The following AGMO variants were observed in gnomAD, a reference collection of about 807,000 sequenced individuals.
AGMO encodes the protein glyceryl-ether monooxygenase.
Under a neutral mutation model 60.2 loss-of-function variants are expected in AGMO, and 75 were observed. That is an observed-to-expected ratio of 1.25 (90% CI 1.03 to 1.51). AGMO has a LOEUF of 1.51. AGMO is among the 40% of genes most tolerant of loss of function. AGMO has a pLI of 0.00. For missense variants in AGMO, 763 were observed against 525.5 expected (o/e 1.45, Z -4.42); for synonymous variants, 261 against 177.1 (o/e 1.47, Z -3.76).
At chr7:15,220,082 C>T (rs575107801) in intron 12 of AGMO, among the ~76,000 whole-genome samples, 14 of 151,628 alleles carry the variant, frequency 9.2e-5, no homozygotes, top group Non-Finnish European at 1.6e-4. Flanking sequence ...GATGTCCATT[C>T]TTTTATACAA....
In AGMO at chr7:15,386,977, G is replaced by C. The variant is rs181712587; in HGVS notation, c.957+429C>G. Among the ~76,000 whole-genome samples, 263 of 152,256 alleles carry C rather than the reference G, an allele frequency of 1.7e-3. 1 individual carries two copies. Among genetic ancestry groups the C allele is most frequent in the Middle Eastern group, 6.8e-3 (2 of 292 alleles). ...GACCCAAAATCCACACTGTCTTAAT[G>C]TGACTTTAGATACATCTGTTCTGGG... On this transcript the variant is annotated intron_variant, in intron 9 of 12. Transcript: ENST00000342526.
At chr7:15,514,264 G>A (rs1427800887) in intron 3 of AGMO, among the ~76,000 whole-genome samples, 1 of 152,116 alleles carries the variant, frequency 6.6e-6, no homozygotes. Flanking sequence ...TAAAGTTTCT[G>A]AGATTGACTA....
At chr7:15,143,629 AGTGAAAC>A in the AGMO span, among the ~76,000 whole-genome samples, 1 of 151,822 alleles carries the variant, frequency 6.6e-6, no homozygotes, top group African/African-American at 2.4e-5. Flanking sequence ...ATTTCCATTC[AGTGAAAC>A]AAGATGAGCA....
At chr7:15,327,401 A>G (rs550156520) in intron 12 of AGMO, among the ~76,000 whole-genome samples, 143 of 152,284 alleles carry the variant, frequency 9.4e-4, no homozygotes, top group African/African-American at 3.2e-3. Flanking sequence ...CGGATACAAA[A>G]AAGAAAAGCA....
chr7:15,424,246 A>G (rs1448280484), intron 4 of AGMO, among the ~76,000 whole-genome samples: 1 of 152,000 alleles, frequency 6.6e-6, no homozygotes. Context: ...CACCTTGAGA[A>G]CACAAGCTCA....
intron 12 of AGMO, among the ~76,000 whole-genome samples, chr7:15,221,510 T>G (rs1781921633): frequency 2.0e-5 from 3 of 152,142 alleles, no homozygotes; most frequent in Admixed American, 2.0e-4. Flanking sequence ...ACTATAGACG[T>G]AATCCCCTTT....
chr7:15,196,136 G>A (rs1014949855), downstream of AGMO, among the ~76,000 whole-genome samples: 1 of 150,916 alleles, frequency 6.6e-6, no homozygotes, highest in South Asian at 2.1e-4. Flanking sequence ...TCTGCCTCCC[G>A]GGTTCGAGCG....
intron 12 of AGMO, among the ~76,000 whole-genome samples, chr7:15,354,531 T>G (rs1205769079): frequency 1.9e-5 from 2 of 107,446 alleles, no homozygotes; most frequent in African/African-American, 6.7e-5. Context: ...TATATATATA[T>G]ATATATATAG....
chr7:15,218,502 T>G (rs1781815320), intron 12 of AGMO, among the ~76,000 whole-genome samples: 1 of 151,996 alleles, frequency 6.6e-6, no homozygotes. Context: ...AGAATGTGGT[T>G]GAAGGGAGTG....
chr7:15,218,203 G>T (rs1781803811), intron 12 of AGMO, among the ~76,000 whole-genome samples: 1 of 152,058 alleles, frequency 6.6e-6, no homozygotes, highest in Admixed American at 6.6e-5. Context: ...GTAACAGTGT[G>T]AAATTATTTA....
intron 3 of AGMO, among the ~76,000 whole-genome samples, chr7:15,433,850 C>A (rs1302086081): frequency 6.6e-6 from 1 of 151,760 alleles, no homozygotes; most frequent in Non-Finnish European, 1.5e-5. Flanking sequence ...AAATGTAATT[C>A]TGTATATTTT....
intron 10 of AGMO, among the ~76,000 whole-genome samples, chr7:15,369,779 G>C (rs922574849): frequency 6.6e-6 from 1 of 152,002 alleles, no homozygotes. Flanking sequence ...CAAGGGCCTA[G>C]AATATAGAAC....
intron 12 of AGMO, among the ~76,000 whole-genome samples, chr7:15,301,870 G>T (rs1365625125): frequency 3.9e-5 from 6 of 152,020 alleles, no homozygotes; most frequent in Admixed American, 3.3e-4. Context: ...CTCAAGAAGG[G>T]CTCAAGAAGG....
chr7:15,395,856 A>G (rs894100457), intron 5 of AGMO, among the ~76,000 whole-genome samples: 4 of 152,200 alleles, frequency 2.6e-5, no homozygotes, highest in African/African-American at 9.7e-5. Flanking sequence ...AACCTCTGGC[A>G]TTAAAACACC....
At chr7:15,282,723 T>C (rs1409677245) in intron 12 of AGMO, among the ~76,000 whole-genome samples, 1 of 152,120 alleles carries the variant, frequency 6.6e-6, no homozygotes, top group Non-Finnish European at 1.5e-5. Flanking sequence ...GATGTCCAAA[T>C]ACAAGAAGCT....
chr7:15,335,471 C>G (rs1781629029), intron 12 of AGMO, among the ~76,000 whole-genome samples: 1 of 152,056 alleles, frequency 6.6e-6, no homozygotes, highest in Non-Finnish European at 1.5e-5. Context: ...AGGTCGACAA[C>G]TTTTTTATTT....
At chr7:15,241,704 T>C (rs35086102) in intron 12 of AGMO, among the ~76,000 whole-genome samples, 49,648 of 151,886 alleles carry the variant, frequency 0.33, 9,569 homozygotes, top group East Asian at 0.51. Flanking sequence ...TGTAACAAAA[T>C]ACTAAAAATG....
At chr7:15,317,608 G>C (rs1252472177) in intron 12 of AGMO, among the ~76,000 whole-genome samples, 1 of 151,876 alleles carries the variant, frequency 6.6e-6, no homozygotes, top group Non-Finnish European at 1.5e-5. Flanking sequence ...ATCTTGACTG[G>C]AGTGAACATG....
chr7:15,315,842 T>C (rs547178502), intron 12 of AGMO, among the ~76,000 whole-genome samples: 2 of 152,212 alleles, frequency 1.3e-5, no homozygotes, highest in African/African-American at 4.8e-5. Flanking sequence ...AAAACATTTA[T>C]TGCACCATTT....
Sources: gnomAD v4.1 joint callset for allele counts (sites outside exome capture counted in the v4.1 genomes callset) on GRCh38, gnomAD v4.1.1 for gene constraint, MANE v1.5 for transcripts, NCBI Gene and HGNC (gene_info 2026-07-23, HGNC 2026-07-21) for gene names.